The following PTPRG variants were observed in gnomAD, a reference collection of about 807,000 sequenced individuals.
The protein encoded by PTPRG is receptor-type tyrosine-protein phosphatase gamma.
PTPRG carries 102 observed loss-of-function variants against 165.3 expected under a neutral mutation model. That is an observed-to-expected ratio of 0.62 (90% CI 0.53 to 0.73). PTPRG has a LOEUF of 0.73. Ranked by LOEUF, PTPRG falls within the 30% of genes least tolerant of loss-of-function variation. The pLI, the probability that PTPRG is intolerant of heterozygous loss-of-function variation, is 0.00. For synonymous variants in PTPRG, 675 were observed against 669.5 expected, an observed-to-expected ratio of 1.01 and a Z score of -0.13; for missense variants, 1,866 against 1,861.4, an observed-to-expected ratio of 1.00 and a Z score of -0.05.
chr3:62,025,875 G>C (rs1027777615), intron 4 of PTPRG, among the ~76,000 whole-genome samples: 1 of 151,238 alleles, frequency 6.6e-6, no homozygotes, highest in South Asian at 2.1e-4. Context: ...CTTTTAGAAG[G>C]CAAAACCATT....
intron 2 of PTPRG, among the ~76,000 whole-genome samples, chr3:61,834,772 C>T (rs2036411969): frequency 1.3e-5 from 2 of 152,166 alleles, no homozygotes; most frequent in East Asian, 1.9e-4. Context: ...GAGATCGTGC[C>T]ACTGCACTCC....
intron 1 of PTPRG, among the ~76,000 whole-genome samples, chr3:61,580,390 T>C (rs1700261256): frequency 6.6e-6 from 1 of 151,650 alleles, no homozygotes; most frequent in Admixed American, 6.6e-5. Flanking sequence ...GATTTTTTTT[T>C]TTTTTTTTTG....
chr3:62,020,517 G>T (rs1191829813), intron 4 of PTPRG, among the ~76,000 whole-genome samples: 1 of 152,144 alleles, frequency 6.6e-6, no homozygotes, highest in Non-Finnish European at 1.5e-5. Context: ...TAAAGAAAGC[G>T]TGTGTTTCTC....
chr3:61,842,975 G>A (rs2036684761), intron 2 of PTPRG, among the ~76,000 whole-genome samples: 1 of 152,158 alleles, frequency 6.6e-6, no homozygotes, highest in Non-Finnish European at 1.5e-5. Context: ...CCAAGCCACT[G>A]CAAATCAAAT....
rs1216666067 is a variant in PTPRG at position 61,887,119 on chromosome 3, CATGCATATATATATATATATATATAT to C, written c.191-102503_191-102478del. On this transcript the variant is annotated intron_variant, in intron 2 of 29. Transcript: ENST00000474889. ...AACTATTTTTAAAGTATAACCATAG[CATGCATATATATATATATATATATAT>C]ATATATATATATATATATATATATA... Among the ~76,000 whole-genome samples the C allele has an allele frequency of 7.7e-4, 80 of 103,418 alleles. 5 individuals carry two copies. The highest frequency in any genetic ancestry group is 2.2e-3 in the African/African-American group (55 of 24,622). 67.8% of individuals were successfully genotyped at this position (103,418 alleles called of 152,430 possible).
chr3:62,235,367 A>G (rs6785764), intron 14 of PTPRG, among the ~76,000 whole-genome samples: 40,009 of 152,034 alleles, frequency 0.26, 7,010 homozygotes, highest in African/African-American at 0.49. Flanking sequence ...TTCTTTTCTA[A>G]GTAATAGCTG....
In PTPRG at chr3:62,287,285, C is replaced by T. The variant is rs532271650; in HGVS notation, c.4055+4416C>T. Among the ~76,000 whole-genome samples the T allele has an allele frequency of 2.6e-5, 4 of 151,946 alleles. No individual in the cohort carries two copies. The South Asian group carries it at 8.3e-4, about 32-fold the overall frequency. Reference sequence around the variant, plus strand: ...CAGTACAAATGACTTTTTTTTAATACCATGCTAAAATGAGGTCAACTCAGT... The same window carrying T: ...CAGTACAAATGACTTTTTTTTAATATCATGCTAAAATGAGGTCAACTCAGT... On this transcript the variant is annotated intron_variant, in intron 28 of 29. Transcript: ENST00000474889.
At chr3:62,167,639 C>A (rs1468206360) in intron 7 of PTPRG, among the ~76,000 whole-genome samples, 1 of 152,162 alleles carries the variant, frequency 6.6e-6, no homozygotes, top group Non-Finnish European at 1.5e-5. Flanking sequence ...ATGTTTCTTG[C>A]TAGAATGGTA....
chr3:62,209,945 G>C (rs2106859859), intron 12 of PTPRG, among the ~76,000 whole-genome samples: 1 of 152,292 alleles, frequency 6.6e-6, no homozygotes, highest in East Asian at 1.9e-4. Flanking sequence ...GTCCGTGACT[G>C]ATTTCAGAAC....
At chr3:62,090,044 C>CT (rs530227032) in intron 5 of PTPRG, among the ~76,000 whole-genome samples, 163 of 152,262 alleles carry the variant, frequency 1.1e-3, no homozygotes, top group African/African-American at 3.8e-3. Flanking sequence ...ACAGAGGACT[C>CT]TTATGTGTTC....
chr3:61,746,474 G>A (rs549153426), intron 1 of PTPRG, among the ~76,000 whole-genome samples: 2 of 152,010 alleles, frequency 1.3e-5, no homozygotes, highest in Non-Finnish European at 2.9e-5. Flanking sequence ...GTTTCGCCTT[G>A]TTACCCAGGC....
chr3:61,604,578 T>C (rs1483439503), intron 1 of PTPRG, among the ~76,000 whole-genome samples: 2 of 152,194 alleles, frequency 1.3e-5, no homozygotes, highest in Admixed American at 6.5e-5. Context: ...AACCAGCCTG[T>C]AATGTAAGTA....
intron 2 of PTPRG, among the ~76,000 whole-genome samples, chr3:61,787,677 A>G (rs930602456): frequency 2.0e-5 from 3 of 152,212 alleles, no homozygotes; most frequent in African/African-American, 4.8e-5. Context: ...TAATTTTGGT[A>G]TGATGGACAC....
intron 8 of PTPRG, among the ~76,000 whole-genome samples, chr3:62,172,190 A>C (rs2106747661): frequency 6.6e-6 from 1 of 152,338 alleles, no homozygotes; most frequent in Middle Eastern, 3.4e-3. Flanking sequence ...GGCTGTTATG[A>C]ATAATGCTTT....
intron 1 of PTPRG, among the ~76,000 whole-genome samples, chr3:61,710,546 C>T (rs58204303): frequency 0.032 from 4,817 of 152,212 alleles, 265 homozygotes; most frequent in African/African-American, 0.11. Context: ...GCATGTACCC[C>T]AGGATGGCTT....
At chr3:61,840,765 G>GTTTTTTTTTTT (rs145859383) in intron 2 of PTPRG, among the ~76,000 whole-genome samples, 1 of 119,544 alleles carries the variant, frequency 8.4e-6, no homozygotes, top group African/African-American at 3.5e-5. Context: ...TTCAGATGGA[G>GTTTTTTTTTTT]TTTTTTTTGT....
intron 2 of PTPRG, among the ~76,000 whole-genome samples, chr3:61,932,187 C>G (rs1354972254): frequency 6.6e-6 from 1 of 152,162 alleles, no homozygotes; most frequent in Non-Finnish European, 1.5e-5. Flanking sequence ...CCAACTAGCT[C>G]CTTTCTGAAG....
intron 4 of PTPRG, among the ~76,000 whole-genome samples, chr3:62,051,903 T>C (rs1459023404): frequency 6.6e-6 from 1 of 152,216 alleles, no homozygotes; most frequent in Non-Finnish European, 1.5e-5. Context: ...TGCAATCAAC[T>C]GCATTTTATA....
intron 4 of PTPRG, among the ~76,000 whole-genome samples, chr3:62,020,697 G>C (rs143838107): frequency 6.6e-6 from 1 of 152,008 alleles, no homozygotes; most frequent in Non-Finnish European, 1.5e-5. Context: ...GCTTATTTCT[G>C]GTTTTGTTGT....
Sources: gnomAD v4.1 joint callset for allele counts (sites outside exome capture counted in the v4.1 genomes callset) on GRCh38, gnomAD v4.1.1 for gene constraint, MANE v1.5 for transcripts, NCBI Gene and HGNC (gene_info 2026-07-23, HGNC 2026-07-21) for gene names.